BRINP3: variants seen among roughly 807,000 people sequenced by gnomAD.
BRINP3 encodes BMP/retinoic acid-inducible neural-specific protein 3.
Under a neutral mutation model 71.0 loss-of-function variants are expected in BRINP3, and 19 were observed. The observed-to-expected ratio is 0.27, with a 90% CI of 0.19 to 0.39. The LOEUF is 0.39. BRINP3 is among the 10% of genes least tolerant of loss of function. BRINP3 has a pLI of 1.00. For missense variants in BRINP3, 959 were observed against 940.8 expected (o/e 1.02, Z -0.25); for synonymous variants, 380 against 337.7 (o/e 1.13, Z -1.37).
chr1:190,386,695 G>A (rs1670935107), intron 2 of BRINP3, among the ~76,000 whole-genome samples: 1 of 151,714 alleles, frequency 6.6e-6, no homozygotes, highest in Non-Finnish European at 1.5e-5. Context: ...ATGGGTAATT[G>A]GAGTCTCTTC....
rs143054793 is a variant in BRINP3, at chr1:190,278,004, A to C, written c.427+3556T>G. On this transcript the variant is annotated intron_variant, in intron 3 of 7. Transcript: ENST00000367462. The stretch of plus-strand genomic sequence containing the variant: ...TTCTCTATAGATAGAATGATAATTC[A>C]ATCACTGGCTTTATCTGTCATAAAA... Among the ~76,000 whole-genome samples, 222 of 151,906 alleles carry C rather than the reference A, an allele frequency of 1.5e-3. 6 individuals carry two copies. In the East Asian group the frequency reaches 0.041, roughly 28 times the overall value.
chr1:190,150,339 G>A (rs1347964626), intron 7 of BRINP3, among the ~76,000 whole-genome samples: 1 of 152,066 alleles, frequency 6.6e-6, no homozygotes, highest in Admixed American at 6.6e-5. Context: ...CTAAAAGGCG[G>A]TGAGGAAGAT....
intron 7 of BRINP3, among the ~76,000 whole-genome samples, chr1:190,110,054 T>A (rs2102277377): frequency 6.6e-6 from 1 of 152,346 alleles, no homozygotes; most frequent in African/African-American, 2.4e-5. Flanking sequence ...TGGCTCTGTC[T>A]CTCTGGAGAA....
intron 2 of BRINP3, among the ~76,000 whole-genome samples, chr1:190,361,474 T>G (rs1424242836): frequency 6.6e-6 from 1 of 152,022 alleles, no homozygotes; most frequent in African/African-American, 2.4e-5. Context: ...ACTATTTCAG[T>G]TCACTGCAAC....
At chr1:190,446,025 A>G (rs1383299357) in intron 2 of BRINP3, among the ~76,000 whole-genome samples, 3 of 152,116 alleles carry the variant, frequency 2.0e-5, no homozygotes, top group East Asian at 3.8e-4. Flanking sequence ...CAAAAGCCAT[A>G]TTTTTAATTT....
At chr1:190,387,398 A>G (rs1010104015) in intron 2 of BRINP3, among the ~76,000 whole-genome samples, 2 of 151,958 alleles carry the variant, frequency 1.3e-5, no homozygotes, top group African/African-American at 4.8e-5. Flanking sequence ...GGCAGCATTA[A>G]TAGAGTTATA....
rs536932261 is a variant in BRINP3 at position 190,097,940 on chromosome 1, C to T, written c.*78G>A. 42 of 1,419,952 alleles carry T rather than the reference C, an allele frequency of 3.0e-5. No individual in the cohort carries two copies. In the African/African-American group the frequency reaches 5.6e-4, roughly 19 times the overall value. The allele number at this position is 1,419,952 out of a possible 1,614,324, so 88.0% of individuals were successfully genotyped here. A position where few individuals can be genotyped will look rare whatever the true frequency, so the allele number is the denominator to read the frequency against. ...ATATTGAAAAGACAATTTAAATTTA[C>T]TCTTCCAAACATAAACTGTTCCACA... On this transcript the variant is annotated 3_prime_UTR_variant, in exon 8 of 8. Coordinates refer to ENST00000367462, the MANE Select transcript of BRINP3 (RefSeq NM_199051.3).
Position 190,414,345 on chromosome 1 carries a change from T to TG in BRINP3, c.236+40309_236+40310insC, listed in dbSNP as rs550408423. 1.9e-3 allele frequency among the ~76,000 whole-genome samples: 283 copies of TG among 152,166 alleles called. 1 individual carries two copies. The highest frequency in any genetic ancestry group is 6.7e-3 in the African/African-American group (277 of 41,518). ...GTTGAATAAATCACTGTGTTTTTTT[T>TG]TTGTTGTTTATCAGTTAGAAATTAC... On this transcript the variant is annotated intron_variant, in intron 2 of 7. Coordinates refer to ENST00000367462, the MANE Select transcript of BRINP3 (RefSeq NM_199051.3).
chr1:190,466,299 T>G lies in BRINP3; in HGVS notation c.-51+11149A>C, dbSNP rs542909786. Among the ~76,000 whole-genome samples, 111 of 151,934 alleles carry G rather than the reference T, an allele frequency of 7.3e-4. 1 individual carries two copies. Among genetic ancestry groups the G allele is most frequent in the African/African-American group, 2.5e-3 (105 of 41,532 alleles). Reference sequence around the variant, plus strand: ...GAAATCTTGGAGTTTGGTAACCAAATGGAAATCTCTCAATCTGTAATTGCT... The same window carrying G: ...GAAATCTTGGAGTTTGGTAACCAAAGGGAAATCTCTCAATCTGTAATTGCT... On this transcript the variant is annotated intron_variant, in intron 1 of 7. Coordinates refer to ENST00000367462, the MANE Select transcript of BRINP3 (RefSeq NM_199051.3).
At chr1:190,254,283 GTTT>G (rs147239463) in intron 4 of BRINP3, among the ~76,000 whole-genome samples, 15 of 147,418 alleles carry the variant, frequency 1.0e-4, no homozygotes, top group East Asian at 4.0e-4. Context: ...CTTTAAAATA[GTTT>G]TTTTTTTTTT....
At chr1:190,209,121 A>C (rs1159424283) in intron 6 of BRINP3, among the ~76,000 whole-genome samples, 1 of 152,144 alleles carries the variant, frequency 6.6e-6, no homozygotes, top group Non-Finnish European at 1.5e-5. Context: ...TGTTTTACTG[A>C]ATAAATAAAT....
At chr1:190,236,155 A>T (rs1658498940) in intron 4 of BRINP3, among the ~76,000 whole-genome samples, 1 of 151,974 alleles carries the variant, frequency 6.6e-6, no homozygotes. Context: ...AATTGTAAAA[A>T]ACAAGACATA....
At chr1:190,203,753 ATATATATATATATATAT>A (rs1558061809) in intron 6 of BRINP3, among the ~76,000 whole-genome samples, 334 of 5,356 alleles carry the variant, frequency 0.062, 16 homozygotes, top group Admixed American at 0.11. Context: ...TAAAGAAAAT[ATATATATATATATATAT>A]ATATATATAT....
intron 2 of BRINP3, among the ~76,000 whole-genome samples, chr1:190,294,436 G>T (rs1425731101): frequency 6.6e-6 from 1 of 151,642 alleles, no homozygotes; most frequent in East Asian, 2.0e-4. Context: ...ATTTTTTGTA[G>T]AGATAGGGTC....
At chr1:190,371,756 G>T (rs542753756) in intron 2 of BRINP3, among the ~76,000 whole-genome samples, 1 of 152,076 alleles carries the variant, frequency 6.6e-6, no homozygotes, top group Non-Finnish European at 1.5e-5. Flanking sequence ...AAATCATGTT[G>T]AGTAGTATGG....
intron 4 of BRINP3, among the ~76,000 whole-genome samples, chr1:190,242,275 T>TA (rs1221916730): frequency 6.6e-6 from 1 of 151,992 alleles, no homozygotes; most frequent in East Asian, 1.9e-4. Flanking sequence ...TGTCCTCAAA[T>TA]AAAAAATATA....
At position 190,098,707 on chromosome 1, in the gene BRINP3, T is replaced by C; in HGVS notation, c.1612A>G (p.Lys538Glu). ...SWRKRMLLTLKSNKYKSSLVH... is the reference protein window; with the variant it reads ...SWRKRMLLTLESNKYKSSLVH... ...AGACTTGACTTGTACTTATTGCTCT[T>C]CAAGGTGAGGAGCATCCGCTTACGC... Residue 538 changes from lysine to glutamate, a missense_variant, in exon 8 of 8, where the codon AAG becomes GAG. By Grantham distance (56) the Lys-to-Glu change is moderately conservative (BLOSUM62 1). Coordinates refer to ENST00000367462, the MANE Select transcript of BRINP3 (RefSeq NM_199051.3). 1 of 1,614,184 alleles carries C rather than the reference T, an allele frequency of 6.2e-7. No individual in the cohort carries two copies. The highest frequency in any genetic ancestry group is 1.1e-5 in the South Asian group (1 of 91,084).
At chr1:190,194,417 A>C (rs893011197) in intron 6 of BRINP3, among the ~76,000 whole-genome samples, 3 of 152,004 alleles carry the variant, frequency 2.0e-5, no homozygotes, top group Admixed American at 6.6e-5. Context: ...TAGACTGATC[A>C]GAAAACATTT....
rs1471961126 is a variant in BRINP3, at chr1:190,098,501, C to A, written c.1818G>T (p.Gln606His). 1 of 1,614,140 alleles carries A rather than the reference C, an allele frequency of 6.2e-7. No individual in the cohort carries two copies. Among genetic ancestry groups the A allele is most frequent in the Admixed American group, 1.7e-5 (1 of 60,014 alleles). Residue 606 changes from glutamine (Q) to histidine (H), a missense_variant, in exon 8 of 8, where the codon CAG (glutamine) becomes CAT (histidine). Gln to His is a conservative substitution (Grantham distance 24). Coordinates refer to ENST00000367462, the MANE Select transcript of BRINP3 (RefSeq NM_199051.3). ...WERTKLDLPL[Q>H]CYNWTLTLGN... ...CCAGAGTTAATGTCCAGTTATAACA[C>A]TGCAGGGGTAGGTCCAACTTAGTCC...
Sources: gnomAD v4.1 joint callset for allele counts (sites outside exome capture counted in the v4.1 genomes callset) on GRCh38, gnomAD v4.1.1 for gene constraint, MANE v1.5 for transcripts, NCBI Gene and HGNC (gene_info 2026-07-23, HGNC 2026-07-21) for gene names.